The following TTC34 variants were observed in gnomAD, a reference collection of about 807,000 sequenced individuals.
The protein encoded by TTC34 is tetratricopeptide repeat domain 34.
TTC34 carries 44 observed loss-of-function variants against 40.7 expected under a neutral mutation model. That is an observed-to-expected ratio of 1.08 (90% CI 0.85 to 1.39). TTC34 has a LOEUF of 1.39. TTC34 is among the 40% of genes most tolerant of loss of function. The probability of loss-of-function intolerance (pLI) is 0.00; values close to 1 mark genes in which losing one functional copy is unlikely to be tolerated. For synonymous variants in TTC34, 422 were observed against 398.6 expected (o/e 1.06, Z -0.70); for missense variants, 884 against 838.0 (o/e 1.05, Z -0.68).
chr1:2,683,664 C>T (rs1477748836), intron 6 of TTC34, among the ~76,000 whole-genome samples: 9 of 145,532 alleles, frequency 6.2e-5, no homozygotes, highest in African/African-American at 2.4e-4. Flanking sequence ...CCTGGAGCAG[C>T]ACGCTGCACC....
chr1:2,675,195 C>T (rs1477824971), intron 6 of TTC34, among the ~76,000 whole-genome samples: 5 of 144,256 alleles, frequency 3.5e-5, no homozygotes, highest in Admixed American at 7.0e-5. Flanking sequence ...GGAGCAGCAC[C>T]GACAACCCCA....
intron 6 of TTC34, among the ~76,000 whole-genome samples, chr1:2,759,755 C>G (rs1221310032): frequency 8.2e-6 from 1 of 122,522 alleles, no homozygotes; most frequent in Non-Finnish European, 1.7e-5. Flanking sequence ...AGCAGCACCC[C>G]ACACCCACAG....
At chr1:2,787,637 G>A in exon 4 of TTC34, 2 of 1,550,006 alleles carry the variant, frequency 1.3e-6, no homozygotes, top group Non-Finnish European at 1.7e-6. Flanking sequence ...CCGCCAGGAG[G>A]CGAGAGGCCT....
exon 4 of TTC34, chr1:2,787,483 G>T: frequency 1.3e-6 from 2 of 1,482,232 alleles, no homozygotes; most frequent in African/African-American, 1.4e-5. Context: ...CTCCTCACCT[G>T]GTTGGCGTCA....
intron 6 of TTC34, among the ~76,000 whole-genome samples, chr1:2,693,166 G>C (rs1430178830): frequency 4.5e-4 from 37 of 81,536 alleles, no homozygotes; most frequent in East Asian, 1.1e-3. Flanking sequence ...GCATCTGACA[G>C]CCTGGGTCCG....
chr1:2,767,460 C>T (rs1437819099), intron 6 of TTC34, among the ~76,000 whole-genome samples: 1 of 147,682 alleles, frequency 6.8e-6, no homozygotes, highest in Non-Finnish European at 1.5e-5. Context: ...GAGCATCCGA[C>T]AGCCTGGAAC....
chr1:2,798,087 C>T (rs1643728211), intron 2 of TTC34, among the ~76,000 whole-genome samples: 1 of 148,456 alleles, frequency 6.7e-6, no homozygotes, highest in Non-Finnish European at 1.5e-5. Flanking sequence ...CCCCTCAGCT[C>T]CCCAGCCTCC....
chr1:2,695,877 CCG>C (rs1640841814), intron 6 of TTC34, among the ~76,000 whole-genome samples: 245 of 39,644 alleles, frequency 6.2e-3, no homozygotes, highest in Middle Eastern at 0.017. Flanking sequence ...AACCCACACC[CCG>C]AGGCGAGCAT....
intron 6 of TTC34, among the ~76,000 whole-genome samples, chr1:2,647,859 C>T (rs1639051256): frequency 6.6e-6 from 1 of 152,062 alleles, no homozygotes; most frequent in African/African-American, 2.4e-5. Context: ...GGATAATTTC[C>T]TTAGATTGGA....
At chr1:2,648,371 G>A (rs1461230827) in intron 6 of TTC34, among the ~76,000 whole-genome samples, 1 of 152,158 alleles carries the variant, frequency 6.6e-6, no homozygotes, top group African/African-American at 2.4e-5. Context: ...GGGAGGATTC[G>A]TTTTTGAACT....
intron 6 of TTC34, among the ~76,000 whole-genome samples, chr1:2,699,529 C>A (rs1374364239): frequency 1.5e-5 from 2 of 131,276 alleles, no homozygotes; most frequent in Non-Finnish European, 1.7e-5. Context: ...GAACACCACC[C>A]ACATCCCCAG....
rs529384730 is a variant in TTC34 at position 2,642,510 on chromosome 1, C to G, written c.2713-615G>C. ...CTGCTGGCCAGGCCTGCCTGCCCCCCCCACTCCTCCCGGGCACTTTCCTGA... is the reference window on the plus strand; with the variant it reads ...CTGCTGGCCAGGCCTGCCTGCCCCCGCCACTCCTCCCGGGCACTTTCCTGA... On this transcript the variant is annotated intron_variant, in intron 8 of 8. Transcript: ENST00000401095. 4.7e-4 allele frequency among the ~76,000 whole-genome samples: 71 copies of G among 152,344 alleles called. 1 individual carries two copies. In the South Asian group the frequency reaches 7.2e-3, roughly 16 times the overall value.
chr1:2,699,434 C>T (rs925606352), intron 6 of TTC34, among the ~76,000 whole-genome samples: 1 of 100,000 alleles, frequency 1.0e-5, no homozygotes, highest in African/African-American at 3.1e-5. Context: ...TATCTGACAG[C>T]CTGGAACATC....
chr1:2,797,163 C>T (rs561368181), intron 2 of TTC34, among the ~76,000 whole-genome samples: 3 of 152,318 alleles, frequency 2.0e-5, no homozygotes, highest in Non-Finnish European at 2.9e-5. Flanking sequence ...TTGGCAGCCC[C>T]GTGTCTCATG....
intron 6 of TTC34, among the ~76,000 whole-genome samples, chr1:2,752,963 C>G (rs1192331477): frequency 6.3e-5 from 8 of 127,492 alleles, no homozygotes; most frequent in Admixed American, 1.6e-4. Flanking sequence ...TAGCCTGGAG[C>G]AACACCCATA....
At chr1:2,649,657 A>C (rs1174290548) in intron 6 of TTC34, among the ~76,000 whole-genome samples, 2 of 152,196 alleles carry the variant, frequency 1.3e-5, no homozygotes, top group Non-Finnish European at 2.9e-5. Flanking sequence ...CTCCTGCCTC[A>C]GCCTCCTGAG....
chr1:2,781,561 T>C (rs1643483740), intron 6 of TTC34, among the ~76,000 whole-genome samples: 1 of 152,242 alleles, frequency 6.6e-6, no homozygotes, highest in East Asian at 1.9e-4. Flanking sequence ...CAGTGCAATG[T>C]TGAGTAGAAG....
intron 6 of TTC34, among the ~76,000 whole-genome samples, chr1:2,686,296 T>A: frequency 6.7e-6 from 1 of 150,112 alleles, no homozygotes; most frequent in Non-Finnish European, 1.5e-5. Context: ...GGCGAGCATC[T>A]GAACGCACGG....
chr1:2,683,956 A>G (rs55876897), intron 6 of TTC34, among the ~76,000 whole-genome samples: 2 of 5,146 alleles, frequency 3.9e-4, no homozygotes, highest in Non-Finnish European at 3.9e-4. Context: ...ACCCACACCC[A>G]CAGTTGAGCA....
Sources: gnomAD v4.1 joint callset for allele counts (sites outside exome capture counted in the v4.1 genomes callset) on GRCh38, gnomAD v4.1.1 for gene constraint, MANE v1.5 for transcripts, NCBI Gene and HGNC (gene_info 2026-07-23, HGNC 2026-07-21) for gene names.